PEMT: variants seen among roughly 807,000 people sequenced by gnomAD.
The protein encoded by PEMT is phosphatidylethanolamine N-methyltransferase, also known as phospholipid methyltransferase.
A neutral mutation model predicts 27.4 loss-of-function variants in PEMT; 23 were observed. The ratio of observed to expected loss-of-function variants is 0.84; its 90% CI spans 0.60 to 1.19. The LOEUF (loss-of-function observed/expected upper bound fraction) is 1.19, where lower values mean the gene tolerates loss of function less well. Ranked by LOEUF, PEMT falls within the 50% of genes most tolerant of loss-of-function variation. PEMT has a pLI of 0.00. For synonymous variants in PEMT, 137 were observed against 139.1 expected (o/e 0.98, Z 0.11); for missense variants, 307 against 310.1 (o/e 0.99, Z 0.07).
chr17:17,507,272 C>G (rs1905952314), intron 5 of PEMT: 2 of 1,282,382 alleles, frequency 1.6e-6, no homozygotes, highest in Admixed American at 2.0e-5. Context: ...CTGGCGGGCA[C>G]AGAGGGCGCA....
At chr17:17,518,019 C>T (rs1251040453) in intron 3 of PEMT, 1 of 985,404 alleles carries the variant, frequency 1.0e-6, no homozygotes, top group Non-Finnish European at 1.2e-6. Flanking sequence ...ACTCCGAGGC[C>T]AGGATGCAGC....
intron 2 of PEMT, among the ~76,000 whole-genome samples, chr17:17,547,675 A>C (rs1273357082): frequency 2.7e-5 from 4 of 150,506 alleles, no homozygotes; most frequent in African/African-American, 4.9e-5. Context: ...CCTCCTCCTC[A>C]TCCTCCTCGT....
At chr17:17,548,618 G>A (rs982406806) in intron 2 of PEMT, among the ~76,000 whole-genome samples, 3 of 152,036 alleles carry the variant, frequency 2.0e-5, no homozygotes, top group Admixed American at 6.5e-5. Context: ...GCACGATCTC[G>A]GCTCACCGCA....
At chr17:17,567,104 C>A (rs1184873415) in intron 2 of PEMT, among the ~76,000 whole-genome samples, 2 of 152,228 alleles carry the variant, frequency 1.3e-5, no homozygotes, top group African/African-American at 4.8e-5. Context: ...GCTTGGGTCC[C>A]ACCCAGCCAT....
At chr17:17,541,450 G>T (rs1908877870) in intron 2 of PEMT, among the ~76,000 whole-genome samples, 1 of 152,218 alleles carries the variant, frequency 6.6e-6, no homozygotes. Flanking sequence ...CAGGAGAGAA[G>T]GCTGGCAGGC....
intron 2 of PEMT, among the ~76,000 whole-genome samples, chr17:17,532,332 A>G (rs1908159799): frequency 6.6e-6 from 1 of 152,224 alleles, no homozygotes; most frequent in Admixed American, 6.5e-5. Context: ...CAAGCTAATA[A>G]ATGAGTTTAG....
Position 17,523,626 on chromosome 17 carries a change from G to A in PEMT, c.205-1231C>T, listed in dbSNP as rs1449434288. On this transcript the variant is annotated intron_variant, in intron 2 of 6. Coordinates refer to ENST00000255389, the MANE Select transcript of PEMT (RefSeq NM_148172.3). The surrounding 1 kb of genome is among the most constrained non-coding windows in gnomAD (Gnocchi z 4.8). Reference sequence around the variant, plus strand: ...AGAAGGTAAGCAGGCCCTAGTCCAGGTCTCAGCAGGTGGCCGCTGCTGACT... The same window carrying A: ...AGAAGGTAAGCAGGCCCTAGTCCAGATCTCAGCAGGTGGCCGCTGCTGACT... Among the ~76,000 whole-genome samples, 3 of 152,140 alleles carry A rather than the reference G, an allele frequency of 2.0e-5. No individual in the cohort carries two copies. Among genetic ancestry groups the A allele is most frequent in the African/African-American group, 7.2e-5 (3 of 41,434 alleles).
rs70965412 is a variant in PEMT, at chr17:17,509,733, G to A, written c.467-188C>T. Among the ~76,000 whole-genome samples the A allele has an allele frequency of 2.3e-3, 348 of 152,268 alleles. 7 individuals are homozygous for A. In the East Asian group the frequency reaches 0.062, roughly 27 times the overall value. ...CCCAACAGGCACGCAGACAGCAGAGGGCGTGGGGCCTAAGGACTAAGGTGC... is the reference window on the plus strand; with the variant it reads ...CCCAACAGGCACGCAGACAGCAGAGAGCGTGGGGCCTAAGGACTAAGGTGC... On this transcript the variant is annotated intron_variant, in intron 4 of 6. Coordinates refer to ENST00000255389, the MANE Select transcript of PEMT (RefSeq NM_148172.3).
At chr17:17,591,401 A>AC in intron 1 of PEMT, 130 bp downstream of exon 1, 6 of 515,214 alleles carry the variant, frequency 1.2e-5, no homozygotes, top group East Asian at 4.6e-5. Flanking sequence ...CACCCCCGCC[A>AC]CGCCACGCCC....
At position 17,544,084 on chromosome 17, in the gene PEMT, C is replaced by T. The variant is rs895015725; in HGVS notation, c.205-21689G>A. On this transcript the variant is annotated intron_variant, in intron 2 of 6. Coordinates refer to ENST00000255389, the MANE Select transcript of PEMT (RefSeq NM_148172.3). ...CGTGGTCGGTGAGGGGGGCACTGGA[C>T]GGGGGTCAGGAAAGTTGAGCACCTA... 4.6e-5 allele frequency among the ~76,000 whole-genome samples: 7 copies of T among 151,604 alleles called. No individual in the cohort carries two copies. The East Asian group carries it at 5.8e-4, about 13-fold the overall frequency.
At chr17:17,562,007 G>A (rs1024578773) in intron 2 of PEMT, among the ~76,000 whole-genome samples, 8 of 152,214 alleles carry the variant, frequency 5.3e-5, no homozygotes, top group African/African-American at 1.2e-4. Flanking sequence ...CCGGATCCAC[G>A]AGAGGCGCTT....
chr17:17,581,415 A>G (rs1301253766), intron 1 of PEMT, among the ~76,000 whole-genome samples: 1 of 152,200 alleles, frequency 6.6e-6, no homozygotes, highest in Non-Finnish European at 1.5e-5. Context: ...GGCAGTGAGG[A>G]GCAGAGCCAG....
Position 17,541,102 on chromosome 17 carries a change from G to A in PEMT, c.205-18707C>T, listed in dbSNP as rs145295517. Among the ~76,000 whole-genome samples, 326 of 152,326 alleles carry A rather than the reference G, an allele frequency of 2.1e-3. 4 individuals are homozygous for A. Among genetic ancestry groups the A allele is most frequent in the African/African-American group, 7.2e-3 (301 of 41,572 alleles). On this transcript the variant is annotated intron_variant, in intron 2 of 6. Transcript: ENST00000255389. ...TCTGGGGTCACAGATGCATCTGCATGTTTATTCCAACAGACAGGATTGTTG... is the reference window on the plus strand; with the variant it reads ...TCTGGGGTCACAGATGCATCTGCATATTTATTCCAACAGACAGGATTGTTG...
chr17:17,512,648 C>G lies in PEMT; in HGVS notation c.327G>C (p.Thr109=). The G allele has an allele frequency of 6.5e-7, 1 of 1,531,564 alleles. No homozygotes were observed. The highest frequency in any genetic ancestry group is 8.8e-7 in the Non-Finnish European group (1 of 1,132,412). 94.9% of individuals were successfully genotyped at this position (1,531,564 alleles called of 1,614,324 possible). A position where few individuals can be genotyped will look rare whatever the true frequency, so the allele number is the denominator to read the frequency against. ...LLNFLRSHCF[T]QAMLSQPRME... Reference sequence around the variant, plus strand: ...TCCTGGGCTGGCTCAGCATGGCCTGCGTGAAGCTGTGGGCAGGGGATGGAG... The same window carrying G: ...TCCTGGGCTGGCTCAGCATGGCCTGGGTGAAGCTGTGGGCAGGGGATGGAG... Residue 109 remains threonine (T), a synonymous_variant, in exon 4 of 7, where the codon ACG becomes ACC. Transcript: ENST00000255389. The surrounding 1 kb of genome is among the most constrained non-coding windows in gnomAD (Gnocchi z 6.3).
At chr17:17,580,073 C>A (rs1374882772) in intron 1 of PEMT, among the ~76,000 whole-genome samples, 1 of 152,188 alleles carries the variant, frequency 6.6e-6, no homozygotes, top group African/African-American at 2.4e-5. Context: ...GCAGGCTGTC[C>A]TGCCCTGAAG....
At chr17:17,542,799 C>T (rs1443795498) in intron 2 of PEMT, among the ~76,000 whole-genome samples, 1 of 152,234 alleles carries the variant, frequency 6.6e-6, no homozygotes, top group Non-Finnish European at 1.5e-5. Flanking sequence ...TTGAGGGCAG[C>T]CTGCAGGGAC....
At chr17:17,570,614 G>C in intron 2 of PEMT, 1 of 985,424 alleles carries the variant, frequency 1.0e-6, no homozygotes, top group South Asian at 4.7e-5. Flanking sequence ...TTGCACAAGA[G>C]AAGCCAGATC....
chr17:17,577,297 C>T (rs1470205505), intron 1 of PEMT: 1 of 471,032 alleles, frequency 2.1e-6, no homozygotes, highest in East Asian at 4.5e-5. Flanking sequence ...TGCCTGGCAC[C>T]CTGAAGGGAG....
intron 1 of PEMT, among the ~76,000 whole-genome samples, chr17:17,586,364 C>T (rs1912317239): frequency 6.6e-6 from 1 of 151,746 alleles, no homozygotes; most frequent in South Asian, 2.1e-4. Flanking sequence ...TGGACCTGAC[C>T]ACAGCACATG....
Sources: allele counts gnomAD v4.1 joint callset (sites outside exome capture counted in the v4.1 genomes callset), GRCh38; gene constraint gnomAD v4.1.1; non-coding constraint Gnocchi (gnomAD v3.1); transcripts MANE v1.5; gene names NCBI Gene and HGNC (gene_info 2026-07-23, HGNC 2026-07-21).